Variants in CDH11 observed in about 807,000 individuals in gnomAD.
CDH11 encodes cadherin-11.
A neutral mutation model predicts 67.8 loss-of-function variants in CDH11; 11 were observed. The ratio of observed to expected loss-of-function variants is 0.16; its 90% confidence interval spans 0.10 to 0.27. The LOEUF is 0.27. CDH11 is among the 10% of genes least tolerant of loss of function. The pLI is 1.00. For missense variants in CDH11, 847 were observed against 1,031.2 expected (o/e 0.82, Z 2.45); for synonymous variants, 419 against 400.0 (o/e 1.05, Z -0.57).
intron 1 of CDH11, among the ~76,000 whole-genome samples, chr16:65,100,189 T>C (rs1487901857): frequency 6.6e-6 from 1 of 152,034 alleles, no homozygotes; most frequent in South Asian, 2.1e-4. Context: ...CACAGAAATA[T>C]AGAATATAGG....
chr16:65,051,552 T>C (rs1160254866), intron 2 of CDH11, among the ~76,000 whole-genome samples: 2 of 152,180 alleles, frequency 1.3e-5, no homozygotes, highest in African/African-American at 4.8e-5. Context: ...GTTACTTATC[T>C]TCCCTGATAT....
chr16:64,954,955 A>AAAT (rs1555511877), intron 11 of CDH11, among the ~76,000 whole-genome samples: 1 of 151,816 alleles, frequency 6.6e-6, no homozygotes, highest in Admixed American at 6.6e-5. Flanking sequence ...AAATAAAAAA[A>AAAT]AAAAAAAAAG....
At chr16:64,974,140 G>A (rs1195065974) in intron 8 of CDH11, among the ~76,000 whole-genome samples, 1 of 152,166 alleles carries the variant, frequency 6.6e-6, no homozygotes, top group Non-Finnish European at 1.5e-5. Flanking sequence ...TTGTAGTAAG[G>A]TAAAATAACT....
chr16:64,972,432 A>C (rs1789840668), intron 9 of CDH11, among the ~76,000 whole-genome samples: 2 of 152,206 alleles, frequency 1.3e-5, no homozygotes, highest in Non-Finnish European at 2.9e-5. Context: ...TGTTGGAAGC[A>C]AAAATTCTCA....
At chr16:65,070,612 G>A (rs2074399242) in intron 1 of CDH11, among the ~76,000 whole-genome samples, 1 of 152,152 alleles carries the variant, frequency 6.6e-6, no homozygotes, top group Admixed American at 6.5e-5. Context: ...CCAAATTAAT[G>A]TGAATTAACA....
At chr16:65,016,785 T>C (rs930353034) in intron 2 of CDH11, among the ~76,000 whole-genome samples, 2 of 152,200 alleles carry the variant, frequency 1.3e-5, no homozygotes, top group African/African-American at 2.4e-5. Context: ...GGCTACTCCA[T>C]AGACAGAGTA....
chr16:65,075,532 T>G lies in CDH11; in HGVS notation c.-297-21604A>C, dbSNP rs563098574. Among the ~76,000 whole-genome samples the G allele has an allele frequency of 2.0e-5, 3 of 152,322 alleles. No homozygotes were observed. The South Asian group carries it at 6.2e-4, about 32-fold the overall frequency. On this transcript the variant is annotated intron_variant, in intron 1 of 12. Transcript: ENST00000268603. ...TGTGGGACACTGCAAAGAACCCTTC[T>G]TCCATTAGGGATTTCTCTGTCTAAG...
rs117162111 is a variant in CDH11 at position 65,005,592 on chromosome 16, G to A, written c.-172-551C>T. Among the ~76,000 whole-genome samples the A allele has an allele frequency of 6.7e-3, 1,020 of 152,308 alleles. 10 individuals are homozygous for A. Among genetic ancestry groups the A allele is most frequent in the Non-Finnish European group, 0.011 (744 of 68,036 alleles). ...GGCGGGCAGGCAATGGATCCTGTTA[G>A]GGAAGGGATGTAGGGGAAGATCCCA... On this transcript the variant is annotated intron_variant, in intron 2 of 12. Coordinates refer to ENST00000268603, the MANE Select transcript of CDH11 (RefSeq NM_001797.4).
chr16:64,946,332 C>T lies in CDH11; in HGVS notation c.*1271G>A. ...TCTGGGCAAATTTATATTTTTGACT[C>T]TAGTCCCCCAGTTCCCCAGTGCTCA... is the stretch of plus-strand genomic sequence containing the variant. On this transcript the variant is annotated 3_prime_UTR_variant, in exon 13 of 13. Coordinates refer to ENST00000268603, the MANE Select transcript of CDH11 (RefSeq NM_001797.4). The T allele has an allele frequency of 9.6e-7, 1 of 1,042,406 alleles. No individual in the cohort carries two copies. Among genetic ancestry groups the T allele is most frequent in the Non-Finnish European group, 1.2e-6 (1 of 865,258 alleles). The allele number at this position is 1,042,406 out of a possible 1,614,324, so 64.6% of individuals were successfully genotyped here.
intron 1 of CDH11, among the ~76,000 whole-genome samples, chr16:65,112,322 A>G (rs1448772882): frequency 2.0e-5 from 3 of 152,096 alleles, no homozygotes; most frequent in African/African-American, 7.2e-5. Flanking sequence ...CTGATGGCAG[A>G]GTTTGTTGGT....
intron 11 of CDH11, among the ~76,000 whole-genome samples, chr16:64,953,901 C>T (rs1205525824): frequency 6.6e-6 from 1 of 152,182 alleles, no homozygotes; most frequent in Non-Finnish European, 1.5e-5. Flanking sequence ...TTGGTTTACA[C>T]ATTTGGTCCT....
At chr16:64,990,410 G>A (rs1178353262) in intron 6 of CDH11, among the ~76,000 whole-genome samples, 1 of 152,098 alleles carries the variant, frequency 6.6e-6, no homozygotes, top group African/African-American at 2.4e-5. Context: ...AGCCTTCCTT[G>A]TTATCTCATT....
chr16:64,989,821 T>G (rs1398048223), intron 6 of CDH11, among the ~76,000 whole-genome samples: 1 of 152,322 alleles, frequency 6.6e-6, no homozygotes. Context: ...AAATCTTTCC[T>G]CTATCATTTC....
chr16:65,000,905 C>T (rs2072904902), intron 3 of CDH11, among the ~76,000 whole-genome samples: 1 of 150,658 alleles, frequency 6.6e-6, no homozygotes, highest in African/African-American at 2.4e-5. Context: ...TTATTTATTA[C>T]TAATGCCATT....
At chr16:65,023,163 C>A (rs1172417515) in intron 2 of CDH11, among the ~76,000 whole-genome samples, 1 of 152,202 alleles carries the variant, frequency 6.6e-6, no homozygotes, top group Non-Finnish European at 1.5e-5. Flanking sequence ...GTCCAGGACT[C>A]CCAGAAAATG....
intron 11 of CDH11, among the ~76,000 whole-genome samples, chr16:64,955,165 G>A (rs564281624): frequency 7.8e-4 from 119 of 152,198 alleles, no homozygotes; most frequent in Non-Finnish European, 1.4e-3. Context: ...AGAATGGCAT[G>A]AACCCGGGAG....
intron 8 of CDH11, 30 bp downstream of exon 8, chr16:64,982,018 T>C: frequency 6.4e-7 from 1 of 1,563,532 alleles, no homozygotes; most frequent in South Asian, 1.2e-5. Context: ...AAATTCCCCA[T>C]CCAAGCTCTT....
Position 64,972,040 on chromosome 16 carries a change from A to G in CDH11, c.1415T>C (p.Val472Ala). 1 of 1,613,802 alleles carries G rather than the reference A, an allele frequency of 6.2e-7. No homozygotes were observed. Among genetic ancestry groups the G allele is most frequent in the Non-Finnish European group, 8.5e-7 (1 of 1,179,756 alleles). The change falls in exon 10 of 13, where the codon GTC (valine) becomes GCC (alanine). Residue 472 changes from valine (V) to alanine (A), a missense_variant. Transcript: ENST00000268603. ...EIHNRHQEAK[V>A]PVAIRVLDVN... ...ATCAAGGACCCTAATGGCCACTGGG[A>G]CTTTGGCTTCCTGATGCCGATTGTC...
At chr16:65,061,770 G>A (rs11865272) in intron 1 of CDH11, among the ~76,000 whole-genome samples, 2,934 of 152,266 alleles carry the variant, frequency 0.019, 105 homozygotes, top group African/African-American at 0.067. Flanking sequence ...TGAATGTTCC[G>A]CAGACACAAC....
Sources: gnomAD v4.1 joint callset for allele counts (sites outside exome capture counted in the v4.1 genomes callset) on GRCh38, gnomAD v4.1.1 for gene constraint, MANE v1.5 for transcripts, NCBI Gene and HGNC (gene_info 2026-07-23, HGNC 2026-07-21) for gene names.